The following POGLUT3 variants were observed in gnomAD, a reference collection of about 807,000 sequenced individuals.
The protein encoded by POGLUT3 is KDEL (Lys-Asp-Glu-Leu) containing 2.
POGLUT3 carries 48 observed loss-of-function variants against 54.3 expected under a neutral mutation model. The observed-to-expected ratio is 0.88, with a 90% confidence interval of 0.70 to 1.12. The LOEUF (loss-of-function observed/expected upper bound fraction) is 1.12, where lower values mean the gene tolerates loss of function less well. Among genes scored for constraint, POGLUT3 ranks in the 50% most tolerant of loss-of-function variants. POGLUT3 has a pLI of 0.00. For missense variants in POGLUT3, 629 were observed against 618.7 expected (o/e 1.02, Z -0.18); for synonymous variants, 218 against 237.4 (o/e 0.92, Z 0.75).
At position 108,495,781 on chromosome 11, in the gene POGLUT3, C is replaced by A. The variant is rs918410940; in HGVS notation, c.202+2384G>T. Among the ~76,000 whole-genome samples the A allele has an allele frequency of 1.1e-4, 17 of 152,032 alleles. No homozygotes were observed. The South Asian group carries it at 1.7e-3, about 15-fold the overall frequency. On this transcript the variant is annotated intron_variant, in intron 1 of 7. Transcript: ENST00000323468. Reference sequence around the variant, plus strand: ...TCAACTGATCCTTCTGCCTCAGCCTCCCAAGTAGGTAATTTTTAAAATTTT... The same window carrying A: ...TCAACTGATCCTTCTGCCTCAGCCTACCAAGTAGGTAATTTTTAAAATTTT...
intron 1 of POGLUT3, among the ~76,000 whole-genome samples, chr11:108,497,919 C>T (rs978021484): frequency 6.6e-6 from 1 of 152,238 alleles, no homozygotes; most frequent in African/African-American, 2.4e-5. Flanking sequence ...TTCGCAACAT[C>T]AGTCCCTGCA....
intron 7 of POGLUT3, 41 bp from the exon 8 acceptor site, chr11:108,474,993 A>G: frequency 1.2e-6 from 2 of 1,605,966 alleles, no homozygotes; most frequent in Admixed American, 1.7e-5. Context: ...GTTAGTTCAC[A>G]CTGCATTCTG....
In POGLUT3 at chr11:108,482,038, G is replaced by C; in HGVS notation, c.869C>G (p.Thr290Arg). The change falls in exon 4 of 8, where the codon ACA becomes AGA. Residue 290 changes from threonine (T) to arginine (R), a missense_variant. Coordinates refer to ENST00000323468, the MANE Select transcript of POGLUT3 (RefSeq NM_153705.5). ...HSMLEAMRGV[T>R]NDLLSIQGNT... ...TCCCTGAATAGAGAGGAGATCATTT[G>C]TAACACCCCGCATGGCTTCAAGCAT... The C allele has an allele frequency of 6.2e-7, 1 of 1,613,968 alleles. No homozygotes were observed. Among genetic ancestry groups the C allele is most frequent in the Non-Finnish European group, 8.5e-7 (1 of 1,179,922 alleles).
chr11:108,477,515 G>A, intron 7 of POGLUT3, 92 bp downstream of exon 7: 2 of 738,514 alleles, frequency 2.7e-6, no homozygotes, highest in Non-Finnish European at 2.3e-6. Flanking sequence ...TTGACTGTGA[G>A]TCCTTCAGGA....
In POGLUT3 at chr11:108,481,323, G is replaced by C; in HGVS notation, c.955C>G (p.Arg319Gly). Residue 319 changes from arginine to glycine, a missense_variant, in exon 5 of 8, where the codon CGA (arginine) becomes GGA (glycine). Physicochemically the swap from Arg to Gly is moderately radical, Grantham distance 125. Transcript: ENST00000323468. ...ERAFFRGRDS[R>G]EERLQLVQLS... is the part of the protein sequence containing the mutation. ...TGTACCAACTGGAGCCTCTCCTCTC[G>C]GCTGTCTCTACCTCTGAAGAAAGCT... 6.2e-7 allele frequency: 1 copy of C among 1,610,348 alleles called. No individual in the cohort carries two copies. Among genetic ancestry groups the C allele is most frequent in the Non-Finnish European group, 8.5e-7 (1 of 1,178,794 alleles).
At position 108,479,405 on chromosome 11, in the gene POGLUT3, A is replaced by G; in HGVS notation, c.1189T>C (p.Ser397Pro). 1 of 1,613,044 alleles carries G rather than the reference A, an allele frequency of 6.2e-7. No individual in the cohort carries two copies. The highest frequency in any genetic ancestry group is 8.5e-7 in the Non-Finnish European group (1 of 1,179,832). ...LGDSLVLKQD[S>P]PYYEHFYMAL... is the part of the protein sequence containing the mutation. ...ATGTAGAAATGTTCATAATATGGCGAGTCCTGCTTTAAAACCAGACTGTCG... is the reference window on the plus strand; with the variant it reads ...ATGTAGAAATGTTCATAATATGGCGGGTCCTGCTTTAAAACCAGACTGTCG... The change falls in exon 6 of 8, where the codon TCG (serine) becomes CCG (proline). Residue 397 changes from serine to proline, a missense_variant. Physicochemically the swap from Ser to Pro is moderately conservative, Grantham distance 74. Transcript: ENST00000323468.
chr11:108,491,343 T>A (rs1293349867), intron 1 of POGLUT3, 176 bp from the exon 2 acceptor site: 8 of 613,100 alleles, frequency 1.3e-5, no homozygotes, highest in Admixed American at 3.0e-5. Flanking sequence ...GTCTGGTTCA[T>A]GCATTCTTTT....
chr11:108,491,194 T>C (rs1295314084), intron 1 of POGLUT3, 27 bp from the exon 2 acceptor site: 1 of 1,524,058 alleles, frequency 6.6e-7, no homozygotes, highest in East Asian at 2.3e-5. Flanking sequence ...TATAAACAAC[T>C]CTACCATGTC....
intron 7 of POGLUT3, among the ~76,000 whole-genome samples, chr11:108,476,023 G>A (rs1326304563): frequency 6.6e-6 from 1 of 152,100 alleles, no homozygotes; most frequent in Non-Finnish European, 1.5e-5. Context: ...TGTAGTCCCA[G>A]CTACTAGTGG....
intron 5 of POGLUT3, among the ~76,000 whole-genome samples, chr11:108,480,079 G>A (rs1051339040): frequency 4.6e-5 from 7 of 152,076 alleles, no homozygotes; most frequent in African/African-American, 7.2e-5. Flanking sequence ...CAGGTGATTC[G>A]CCCGCCTCAG....
intron 7 of POGLUT3, among the ~76,000 whole-genome samples, chr11:108,476,486 C>T (rs897771693): frequency 1.3e-5 from 2 of 152,040 alleles, no homozygotes; most frequent in Non-Finnish European, 2.9e-5. Flanking sequence ...ACAGAGGGGA[C>T]AGACCAATTT....
rs1458482864 is a variant in POGLUT3, at chr11:108,479,448, A to G, written c.1146T>C (p.Tyr382=). Reference sequence around the variant, plus strand: ...GACTGTCGCCCAGCATGAGATATGGATATCTGTAAGCAGCCACGGTCCCAT... The same window carrying G: ...GACTGTCGCCCAGCATGAGATATGGGTATCTGTAAGCAGCCACGGTCCCAT... ...NVDGTVAAYR[Y]PYLMLGDSLV... Residue 382 remains tyrosine (Y), a synonymous_variant, in exon 6 of 8, where the codon TAT becomes TAC. Coordinates refer to ENST00000323468, the MANE Select transcript of POGLUT3 (RefSeq NM_153705.5). 3 of 1,611,632 alleles carry G rather than the reference A, an allele frequency of 1.9e-6. No individual in the cohort carries two copies. Among genetic ancestry groups the G allele is most frequent in the East Asian group, 2.2e-5 (1 of 44,806 alleles).
In POGLUT3 at chr11:108,483,164, A is replaced by G. The variant is rs546831986; in HGVS notation, c.685-942T>C. 1.9e-4 allele frequency among the ~76,000 whole-genome samples: 29 copies of G among 152,322 alleles called. No individual in the cohort carries two copies. In the East Asian group the frequency reaches 4.2e-3, roughly 22 times the overall value. On this transcript the variant is annotated intron_variant, in intron 3 of 7. Transcript: ENST00000323468. ...TAATGTCACTACCAAGCTTAACAGA[A>G]CCTTAAGCCTATGGCACAAGATCTC...
chr11:108,497,850 G>A (rs1224830498), intron 1 of POGLUT3, among the ~76,000 whole-genome samples: 2 of 152,192 alleles, frequency 1.3e-5, no homozygotes, highest in African/African-American at 2.4e-5. Context: ...AACTAAGTCC[G>A]AGATGGAAGG....
chr11:108,492,748 T>C (rs540057078), intron 1 of POGLUT3, among the ~76,000 whole-genome samples: 4 of 152,162 alleles, frequency 2.6e-5, no homozygotes, highest in Non-Finnish European at 5.9e-5. Flanking sequence ...AATTACGAAA[T>C]AAATCTGCTA....
chr11:108,485,871 T>G (rs1254184814), intron 3 of POGLUT3, among the ~76,000 whole-genome samples: 1 of 152,196 alleles, frequency 6.6e-6, no homozygotes, highest in East Asian at 1.9e-4. Flanking sequence ...TTGGCCAGGC[T>G]GGCCTTGAAC....
chr11:108,488,614 C>G (rs1018961156), intron 2 of POGLUT3, among the ~76,000 whole-genome samples: 1 of 152,178 alleles, frequency 6.6e-6, no homozygotes, highest in African/African-American at 2.4e-5. Context: ...AGAAGGTCCT[C>G]TTCACATATT....
intron 3 of POGLUT3, among the ~76,000 whole-genome samples, chr11:108,482,614 C>A (rs899572647): frequency 6.6e-6 from 1 of 152,052 alleles, no homozygotes; most frequent in African/African-American, 2.4e-5. Context: ...GGGCTGGTGG[C>A]AGGCACTTGT....
chr11:108,493,556 A>G (rs2093616721), intron 1 of POGLUT3, among the ~76,000 whole-genome samples: 1 of 152,212 alleles, frequency 6.6e-6, no homozygotes, highest in Non-Finnish European at 1.5e-5. Flanking sequence ...CTGTAATCCG[A>G]GCACTTTGGT....
Sources: gnomAD v4.1 joint callset for allele counts (sites outside exome capture counted in the v4.1 genomes callset) on GRCh38, gnomAD v4.1.1 for gene constraint, MANE v1.5 for transcripts, NCBI Gene and HGNC (gene_info 2026-07-23, HGNC 2026-07-21) for gene names.